SPOCK1: variants seen among roughly 807,000 people sequenced by gnomAD.
SPOCK1 encodes the protein SPARC (osteonectin), cwcv and kazal like domains proteoglycan 1.
A neutral mutation model predicts 55.3 loss-of-function variants in SPOCK1; 23 were observed. The observed-to-expected ratio is 0.42, with a 90% CI of 0.30 to 0.59. The LOEUF (loss-of-function observed/expected upper bound fraction) is 0.59, where lower values mean the gene tolerates loss of function less well. SPOCK1 is among the 20% of genes least tolerant of loss of function. The pLI, the probability that SPOCK1 is intolerant of heterozygous loss-of-function variation, is 0.22. For missense variants in SPOCK1, 499 were observed against 552.5 expected (o/e 0.90, Z 0.97); for synonymous variants, 226 against 221.0 (o/e 1.02, Z -0.20).
At chr5:137,046,384 A>G (rs1452686056) in intron 6 of SPOCK1, among the ~76,000 whole-genome samples, 4 of 150,634 alleles carry the variant, frequency 2.7e-5, no homozygotes, top group African/African-American at 4.9e-5. Flanking sequence ...TGGATTCCTA[A>G]GTATTTTATT....
intron 6 of SPOCK1, among the ~76,000 whole-genome samples, chr5:136,996,109 C>T (rs1388311726): frequency 1.3e-5 from 2 of 152,160 alleles, no homozygotes; most frequent in African/African-American, 4.8e-5. Context: ...AGAAAAGTGC[C>T]TGCCTTTTAA....
At chr5:137,054,922 A>G (rs974189083) in intron 6 of SPOCK1, among the ~76,000 whole-genome samples, 1 of 152,208 alleles carries the variant, frequency 6.6e-6, no homozygotes, top group Non-Finnish European at 1.5e-5. Context: ...TTACAGTGCC[A>G]GTACATAAGG....
At chr5:137,003,740 T>C (rs1046605337) in intron 6 of SPOCK1, among the ~76,000 whole-genome samples, 1 of 152,236 alleles carries the variant, frequency 6.6e-6, no homozygotes, top group Non-Finnish European at 1.5e-5. Flanking sequence ...TATGCATGTA[T>C]GTTTTTACAC....
At chr5:137,494,531 AC>A (rs1344063782) in intron 2 of SPOCK1, among the ~76,000 whole-genome samples, 1 of 152,214 alleles carries the variant, frequency 6.6e-6, no homozygotes, top group African/African-American at 2.4e-5. Flanking sequence ...CATGGAAAGT[AC>A]CTTAAACAGT....
At chr5:137,281,719 G>C (rs1240536851) in intron 2 of SPOCK1, among the ~76,000 whole-genome samples, 8 of 152,156 alleles carry the variant, frequency 5.3e-5, no homozygotes, top group Non-Finnish European at 1.2e-4. Flanking sequence ...TAATTTACCA[G>C]CGAGACACAC....
At chr5:137,257,145 C>CA (rs1202198531) in intron 3 of SPOCK1, among the ~76,000 whole-genome samples, 1 of 152,158 alleles carries the variant, frequency 6.6e-6, no homozygotes, top group African/African-American at 2.4e-5. Context: ...CTGGGTGTTT[C>CA]AAGGTGCCTA....
chr5:136,988,353 T>C, intron 8 of SPOCK1, 69 bp downstream of exon 8: 1 of 1,269,554 alleles, frequency 7.9e-7, no homozygotes, highest in Non-Finnish European at 1.1e-6. Context: ...TTCATAGTCA[T>C]ACGCAGTCCT....
At chr5:137,167,159 G>A (rs75217514) in intron 3 of SPOCK1, among the ~76,000 whole-genome samples, 1 of 151,928 alleles carries the variant, frequency 6.6e-6, no homozygotes, top group African/African-American at 2.4e-5. Context: ...AAAAGAGCAG[G>A]AGTAGCAATT....
intron 4 of SPOCK1, among the ~76,000 whole-genome samples, chr5:137,130,573 G>A (rs905081213): frequency 8.5e-5 from 13 of 152,318 alleles, no homozygotes; most frequent in Middle Eastern, 6.8e-3. Context: ...CCTCCCTGGT[G>A]CCTGCCAAGA....
At chr5:137,222,974 T>A (rs534259492) in intron 3 of SPOCK1, among the ~76,000 whole-genome samples, 240 of 151,696 alleles carry the variant, frequency 1.6e-3, no homozygotes, top group African/African-American at 5.6e-3. Context: ...GAAAAAAAAA[T>A]TTAAGTCTTC....
intron 2 of SPOCK1, among the ~76,000 whole-genome samples, chr5:137,353,658 A>G (rs1417610413): frequency 6.6e-6 from 1 of 152,194 alleles, no homozygotes; most frequent in Non-Finnish European, 1.5e-5. Context: ...AGCTCCCTCC[A>G]GGAAACTAAC....
chr5:137,117,689 T>A (rs1490412377), intron 4 of SPOCK1, among the ~76,000 whole-genome samples: 1 of 152,124 alleles, frequency 6.6e-6, no homozygotes, highest in Non-Finnish European at 1.5e-5. Flanking sequence ...AACAGGCTCT[T>A]GTTTCCAGAA....
chr5:137,095,106 A>G (rs1019935553), intron 5 of SPOCK1, among the ~76,000 whole-genome samples: 2 of 152,230 alleles, frequency 1.3e-5, no homozygotes, highest in African/African-American at 4.8e-5. Context: ...AGATTTATCA[A>G]TTAATTTCAT....
At chr5:137,479,592 G>A (rs1039807860) in intron 2 of SPOCK1, among the ~76,000 whole-genome samples, 4 of 152,214 alleles carry the variant, frequency 2.6e-5, no homozygotes, top group Non-Finnish European at 5.9e-5. Flanking sequence ...CCTCTAAGAA[G>A]ATGCACTGAA....
At chr5:136,979,266 CT>C (rs1750676942) in intron 10 of SPOCK1, 65 bp downstream of exon 10, 6 of 1,601,432 alleles carry the variant, frequency 3.7e-6, no homozygotes, top group Non-Finnish European at 5.1e-6. Flanking sequence ...TGCAGAGATC[CT>C]TATGCAGTGA....
At chr5:137,123,118 C>T (rs902135156) in intron 4 of SPOCK1, among the ~76,000 whole-genome samples, 5 of 152,188 alleles carry the variant, frequency 3.3e-5, no homozygotes, top group Admixed American at 1.3e-4. Flanking sequence ...TTCACAAAAG[C>T]GCTACAGGAG....
Position 136,978,442 on chromosome 5 carries a change from AC to A in SPOCK1, c.*211del, listed in dbSNP as rs1750657965. ...TTCCCTATCCAAAAAATAAACAACA[AC>A]AAAAAAAAAACACAACACCCTTTCT... On this transcript the variant is annotated 3_prime_UTR_variant, in exon 11 of 11. Transcript: ENST00000394945. 1 of 316,888 alleles carries A rather than the reference AC, an allele frequency of 3.2e-6. No individual in the cohort carries two copies. The highest frequency in any genetic ancestry group is 3.8e-5 in the East Asian group (1 of 26,154). 19.6% of individuals were successfully genotyped at this position (316,888 alleles called of 1,614,324 possible). A position where few individuals can be genotyped will look rare whatever the true frequency, so the allele number is the denominator to read the frequency against.
chr5:137,089,094 A>G (rs1580744755), intron 5 of SPOCK1, among the ~76,000 whole-genome samples: 1 of 152,164 alleles, frequency 6.6e-6, no homozygotes, highest in South Asian at 2.1e-4. Flanking sequence ...ACGGGGAGCT[A>G]GCACAGACAT....
In SPOCK1 at chr5:136,979,478, A is replaced by C; in HGVS notation, c.992-9T>G. 1 of 1,610,408 alleles carries C rather than the reference A, an allele frequency of 6.2e-7. No homozygotes were observed. Among genetic ancestry groups the C allele is most frequent in the Non-Finnish European group, 8.5e-7 (1 of 1,178,974 alleles). On this transcript the variant is annotated splice_polypyrimidine_tract_variant and intron_variant, in intron 9 of 10. Transcript: ENST00000394945. ...CCGAGGTATGAAGGCCCCTGGGGGA[A>C]CAAAAGGTGCAACTTTAATCAGAGA...
Sources: gnomAD v4.1 joint callset for allele counts (sites outside exome capture counted in the v4.1 genomes callset) on GRCh38, gnomAD v4.1.1 for gene constraint, MANE v1.5 for transcripts, NCBI Gene and HGNC (gene_info 2026-07-23, HGNC 2026-07-21) for gene names.